The following NECTIN1 variants were observed in gnomAD, a reference collection of about 807,000 sequenced individuals.
The protein encoded by NECTIN1 is nectin-1.
Under a neutral mutation model 48.0 loss-of-function variants are expected in NECTIN1, and 23 were observed. The ratio of observed to expected loss-of-function variants is 0.48; its 90% CI spans 0.34 to 0.68. The LOEUF (loss-of-function observed/expected upper bound fraction) is 0.68. Among genes scored for constraint, NECTIN1 ranks in the 30% least tolerant of loss-of-function variants. The pLI is 0.01. For synonymous variants in NECTIN1, 270 were observed against 288.9 expected (o/e 0.93, Z 0.66); for missense variants, 591 against 709.9 (o/e 0.83, Z 1.90).
chr11:119,692,428 T>G (rs1010835010), intron 1 of NECTIN1, among the ~76,000 whole-genome samples: 2 of 151,778 alleles, frequency 1.3e-5, no homozygotes, highest in Non-Finnish European at 2.9e-5. Flanking sequence ...TGTGTGTGTG[T>G]GTGGGTGGCG....
In NECTIN1 at chr11:119,709,762, A is replaced by G. The variant is rs4245204; in HGVS notation, c.79+18713T>C. On this transcript the variant is annotated intron_variant, in intron 1 of 5. Transcript: ENST00000264025. This position sits in a 1 kb window ranked among gnomAD's most constrained non-coding sequence, Gnocchi z 4.1. ...TCCGGGTTTGTGGAGAGAGGGCAGGACGAGGCGGAGCGGGTTTGAGGGGGA... is the reference window on the plus strand; with the variant it reads ...TCCGGGTTTGTGGAGAGAGGGCAGGGCGAGGCGGAGCGGGTTTGAGGGGGA... 0.97 allele frequency among the ~76,000 whole-genome samples: 147,002 copies of G among 152,172 alleles called. 71,038 individuals carry two copies. Among genetic ancestry groups the G allele is most frequent in the South Asian group, 0.98 (4,715 of 4,820 alleles).
rs181755998 is a variant in NECTIN1 at position 119,707,756 on chromosome 11, C to T, written c.79+20719G>A. Among the ~76,000 whole-genome samples the T allele has an allele frequency of 8.5e-5, 13 of 152,308 alleles. No homozygotes were observed. The East Asian group carries it at 2.1e-3, about 25-fold the overall frequency. ...ACATATTTTGGGGGTACATGAGCTT[C>T]CAGCCCTGATTTGATAATTATACAT... On this transcript the variant is annotated intron_variant, in intron 1 of 5. Transcript: ENST00000264025.
chr11:119,692,111 T>TC (rs56271825), intron 1 of NECTIN1, among the ~76,000 whole-genome samples: 152,188 of 152,196 alleles, frequency 1, 76,090 homozygotes, highest in Middle Eastern at 1. Flanking sequence ...TTCCCATGCT[T>TC]CCCCGCCCGA....
At chr11:119,669,827 C>A (rs1254160024) in intron 5 of NECTIN1, among the ~76,000 whole-genome samples, 1 of 152,138 alleles carries the variant, frequency 6.6e-6, no homozygotes, top group Non-Finnish European at 1.5e-5. Flanking sequence ...CAAATAGCCC[C>A]TTCTCATCAA....
At position 119,654,900 on chromosome 11, in the gene NECTIN1, T is replaced by G. The variant is rs1296094863; in HGVS notation, c.1004-14888A>C. Among the ~76,000 whole-genome samples the G allele has an allele frequency of 2.6e-5, 4 of 151,534 alleles. 1 individual carries two copies. The highest frequency in any genetic ancestry group is 2.6e-4 in the Admixed American group (4 of 15,178). On this transcript the variant is annotated intron_variant, in intron 5 of 7. Transcript: ENST00000341398. Reference sequence around the variant, plus strand: ...CTTTTCTTTAAAAATAGACTTACATTTATTTTTTATTTTTTATTTTATTTT... The same window carrying G: ...CTTTTCTTTAAAAATAGACTTACATGTATTTTTTATTTTTTATTTTATTTT...
chr11:119,679,300 G>A (rs141733152), intron 1 of NECTIN1, among the ~76,000 whole-genome samples: 11 of 152,274 alleles, frequency 7.2e-5, no homozygotes, highest in Non-Finnish European at 1.6e-4. Flanking sequence ...AACAAATGGC[G>A]TGATGGACGA....
intron 5 of NECTIN1, among the ~76,000 whole-genome samples, chr11:119,649,805 T>A (rs940333753): frequency 2.0e-5 from 3 of 152,244 alleles, no homozygotes; most frequent in African/African-American, 7.2e-5. Context: ...ATCATCCAGC[T>A]GCAGACTCAC....
chr11:119,657,031 G>A (rs905289172), downstream of NECTIN1, among the ~76,000 whole-genome samples: 3 of 152,170 alleles, frequency 2.0e-5, no homozygotes, highest in African/African-American at 7.2e-5. Flanking sequence ...GCTCCATCCT[G>A]CCCCCTACTT....
intron 5 of NECTIN1, chr11:119,674,297 G>A (rs1288262489): frequency 1.8e-5 from 23 of 1,269,230 alleles, no homozygotes; most frequent in South Asian, 1.4e-4. Flanking sequence ...TGTAAAAGAC[G>A]CTCCCCATGT....
chr11:119,700,762 C>T (rs184535622), intron 1 of NECTIN1, among the ~76,000 whole-genome samples: 2 of 152,318 alleles, frequency 1.3e-5, no homozygotes, highest in Non-Finnish European at 2.9e-5. Flanking sequence ...GCCTCTTGCG[C>T]CTGTTGAGAG....
At chr11:119,716,570 TTCAG>T (rs1246890872) in intron 1 of NECTIN1, among the ~76,000 whole-genome samples, 2 of 152,168 alleles carry the variant, frequency 1.3e-5, no homozygotes, top group Non-Finnish European at 2.9e-5. Flanking sequence ...AACCACTGGG[TTCAG>T]TCAATTTCTT....
intron 5 of NECTIN1, among the ~76,000 whole-genome samples, chr11:119,646,971 T>C (rs4938702): frequency 0.94 from 143,033 of 152,254 alleles, 67,797 homozygotes; most frequent in East Asian, 1. Flanking sequence ...GGCAGGGACA[T>C]GCCTGCTCCT....
intron 1 of NECTIN1, among the ~76,000 whole-genome samples, chr11:119,720,498 G>C (rs1243009999): frequency 6.6e-6 from 1 of 152,276 alleles, no homozygotes; most frequent in Non-Finnish European, 1.5e-5. Flanking sequence ...CGAAAGCGTG[G>C]GCTGACCCGT....
In NECTIN1 at chr11:119,674,514, T is replaced by TGG. The variant is rs3215181; in HGVS notation, c.1003+643_1003+644dup. The TGG allele has an allele frequency of 4.6e-3, 7,487 of 1,610,540 alleles. 20 individuals are homozygous for TGG. Among genetic ancestry groups the TGG allele is most frequent in the Non-Finnish European group, 5.5e-3 (6,507 of 1,177,954 alleles). On this transcript the variant is annotated intron_variant, in intron 5 of 5. Coordinates refer to ENST00000264025, the MANE Select transcript of NECTIN1 (RefSeq NM_002855.5). The stretch of plus-strand genomic sequence containing the variant: ...CATACTGTCCCCGTTTTACAGATGG[T>TGG]GGGGGGGGCCCTGTCCAGGGTCACA...
chr11:119,649,770 C>A (rs990650850), intron 5 of NECTIN1, among the ~76,000 whole-genome samples: 1 of 152,160 alleles, frequency 6.6e-6, no homozygotes, highest in Admixed American at 6.5e-5. Flanking sequence ...TTCTGGAGCA[C>A]CTATTTCTTC....
rs1865102415 is a variant in NECTIN1 at position 119,683,696 on chromosome 11, C to T, written c.80-4931G>A. 6.6e-6 allele frequency among the ~76,000 whole-genome samples: 1 copy of T among 151,516 alleles called. No individual in the cohort carries two copies. Among genetic ancestry groups the T allele is most frequent in the Non-Finnish European group, 1.5e-5 (1 of 67,932 alleles). On this transcript the variant is annotated intron_variant, in intron 1 of 5. Transcript: ENST00000264025. This position sits in a 1 kb window ranked among gnomAD's most constrained non-coding sequence, Gnocchi z 4.0. ...GGCAGAGGCATCCATAGAACCTGTG[C>T]CCTCAGCAGAGGGGCTCTTGCATCC...
rs1287611456 is a variant in NECTIN1 at position 119,727,460 on chromosome 11, C to T, written c.79+1015G>A. Among the ~76,000 whole-genome samples the T allele has an allele frequency of 3.9e-5, 6 of 152,166 alleles. No homozygotes were observed. The East Asian group carries it at 9.7e-4, about 25-fold the overall frequency. The stretch of plus-strand genomic sequence containing the variant: ...GTTTCTACCCAGAGAGCTGGAGGAA[C>T]TCCCCACACCCCTTGACCCACGCTT... On this transcript the variant is annotated intron_variant, in intron 1 of 5. Transcript: ENST00000264025. The surrounding 1 kb of genome is among the most constrained non-coding windows in gnomAD (Gnocchi z 4.1).
chr11:119,664,534 C>G lies in NECTIN1; in HGVS notation c.*213G>C. The stretch of plus-strand genomic sequence containing the variant: ...CTAAAGCCACAGTCGAACACAACAC[C>G]ATGGGGAAGGGCGGAGGAGAGGGAG... On this transcript the variant is annotated 3_prime_UTR_variant, in exon 6 of 6. Coordinates refer to ENST00000264025, the MANE Select transcript of NECTIN1 (RefSeq NM_002855.5). 4 of 1,422,934 alleles carry G rather than the reference C, an allele frequency of 2.8e-6. No homozygotes were observed. The highest frequency in any genetic ancestry group is 3.7e-6 in the Non-Finnish European group (4 of 1,092,516). 88.1% of individuals were successfully genotyped at this position (1,422,934 alleles called of 1,614,324 possible).
intron 1 of NECTIN1, chr11:119,713,596 C>T: frequency 3.9e-6 from 1 of 253,414 alleles, no homozygotes; most frequent in Non-Finnish European, 8.1e-6. Flanking sequence ...CTCTTATCTC[C>T]AGGTGCTCTG....
Sources: allele counts gnomAD v4.1 joint callset (sites outside exome capture counted in the v4.1 genomes callset), GRCh38; gene constraint gnomAD v4.1.1; non-coding constraint Gnocchi (gnomAD v3.1); transcripts MANE v1.5; gene names NCBI Gene and HGNC (gene_info 2026-07-23, HGNC 2026-07-21).